Variants in WDR48 observed in about 807,000 individuals in gnomAD.
WDR48 encodes WD repeat domain 48.
A neutral mutation model predicts 94.0 loss-of-function variants in WDR48; 22 were observed. That is an observed-to-expected ratio of 0.23 (90% CI 0.17 to 0.33). The LOEUF (loss-of-function observed/expected upper bound fraction) is 0.33. Ranked by LOEUF, WDR48 falls within the 10% of genes least tolerant of loss-of-function variation. WDR48 has a pLI of 1.00. For missense variants in WDR48, 541 were observed against 813.8 expected (o/e 0.66, Z 4.08); for synonymous variants, 278 against 280.5 (o/e 0.99, Z 0.09).
In WDR48 at chr3:39,066,860, A is replaced by G. The variant is rs1458909109; in HGVS notation, c.466A>G (p.Asn156Asp). 1.9e-6 allele frequency: 3 copies of G among 1,613,606 alleles called. No individual in the cohort carries two copies. The highest frequency in any genetic ancestry group is 2.2e-5 in the East Asian group (1 of 44,866). ...TACTCTAACAGCATTGACTGCCTCAAATAACACTGTCACAAGTAAGGTGTT... is the reference window on the plus strand; with the variant it reads ...TACTCTAACAGCATTGACTGCCTCAGATAACACTGTCACAAGTAAGGTGTT... ...VNTLTALTAS[N>D]NTVTTSSLSG... The change falls in exon 5 of 19, where the codon AAT becomes GAT. Residue 156 changes from asparagine to aspartate, a missense_variant. By Grantham distance (23) the Asn-to-Asp change is conservative. Around this residue, in one of 5 missense-constraint regions of WDR48, gnomAD observed 104 missense variants for 189.7 expected, o/e 0.55. Transcript: ENST00000302313.
At position 39,094,017 on chromosome 3, in the gene WDR48, A is replaced by G; in HGVS notation, c.1889A>G (p.Asp630Gly). Residue 630 changes from aspartate (D) to glycine (G), a missense_variant, in exon 18 of 19, where the codon GAT becomes GGT. Transcript: ENST00000302313. ...CCAGGAGAACAGGAAAAAGAAGAAG[A>G]TATTGCTGTGTTGGCAGAGGAGAAA... ...EKPGEQEKEE[D>G]IAVLAEEKIE... 1 of 1,614,050 alleles carries G rather than the reference A, an allele frequency of 6.2e-7. No individual in the cohort carries two copies. The highest frequency in any genetic ancestry group is 1.1e-5 in the South Asian group (1 of 91,042).
intron 11 of WDR48, among the ~76,000 whole-genome samples, chr3:39,081,761 A>G (rs1366412821): frequency 1.3e-5 from 2 of 152,198 alleles, no homozygotes; most frequent in Admixed American, 1.3e-4. Context: ...TGTTTTCTGT[A>G]TATGGGTCTG....
chr3:39,088,599 A>G (rs1432810875), intron 15 of WDR48, among the ~76,000 whole-genome samples: 1 of 152,122 alleles, frequency 6.6e-6, no homozygotes, highest in Non-Finnish European at 1.5e-5. Flanking sequence ...AGTACATTAC[A>G]TTACTTTTCT....
chr3:39,063,120 C>T lies in WDR48; in HGVS notation c.119C>T (p.Pro40Leu). ...GGAGTCAATGCTCTGCAGCTGGATC[C>T]AGCACTAAATAGACTTTTCACAGCC... The part of the protein sequence containing the change: ...RNGVNALQLD[P>L]ALNRLFTAGR... Residue 40 changes from proline to leucine, a missense_variant, in exon 2 of 19, where the codon CCA (proline) becomes CTA (leucine). Physicochemically the swap from Pro to Leu is moderately conservative, Grantham distance 98 (BLOSUM62 -3). Coordinates refer to ENST00000302313, the MANE Select transcript of WDR48 (RefSeq NM_020839.4). 9.9e-6 allele frequency: 16 copies of T among 1,614,042 alleles called. No homozygotes were observed. Among genetic ancestry groups the T allele is most frequent in the Non-Finnish European group, 1.4e-5 (16 of 1,179,998 alleles).
intron 1 of WDR48, among the ~76,000 whole-genome samples, chr3:39,058,398 C>A (rs1486783986): frequency 1.3e-5 from 2 of 152,212 alleles, no homozygotes; most frequent in East Asian, 3.8e-4. Flanking sequence ...AAGAGGTTGG[C>A]CCAGACTGGT....
intron 11 of WDR48, among the ~76,000 whole-genome samples, chr3:39,083,217 T>A (rs186870217): frequency 3.3e-5 from 5 of 152,258 alleles, no homozygotes; most frequent in Non-Finnish European, 7.4e-5. Context: ...AAAATTTGAC[T>A]GGATAATCTT....
chr3:39,061,507 C>T (rs190194070), intron 1 of WDR48, among the ~76,000 whole-genome samples: 64 of 152,228 alleles, frequency 4.2e-4, no homozygotes, highest in African/African-American at 1.4e-3. Context: ...CATTGATGGA[C>T]ATTTGGGTTG....
intron 1 of WDR48, among the ~76,000 whole-genome samples, chr3:39,054,120 C>T (rs1351418918): frequency 6.6e-6 from 1 of 152,186 alleles, no homozygotes; most frequent in African/African-American, 2.4e-5. Context: ...TCATCTGAAC[C>T]ATCATTGTCT....
At chr3:39,055,590 A>G (rs77396693) in intron 1 of WDR48, among the ~76,000 whole-genome samples, 2 of 152,244 alleles carry the variant, frequency 1.3e-5, no homozygotes, top group South Asian at 4.1e-4. Flanking sequence ...ACCATCTTCA[A>G]CTTCTAGGAA....
At chr3:39,057,835 A>C (rs1016997253) in intron 1 of WDR48, among the ~76,000 whole-genome samples, 4 of 151,958 alleles carry the variant, frequency 2.6e-5, no homozygotes, top group Non-Finnish European at 4.4e-5. Context: ...GTTGGCCAGG[A>C]TGGTCTTGAT....
intron 1 of WDR48, among the ~76,000 whole-genome samples, chr3:39,057,415 C>A (rs1444093044): frequency 6.6e-6 from 1 of 152,160 alleles, no homozygotes; most frequent in African/African-American, 2.4e-5. Flanking sequence ...CTTATCCAGA[C>A]AGTAGAGAGA....
At chr3:39,053,484 A>G (rs930863555) in intron 1 of WDR48, among the ~76,000 whole-genome samples, 3 of 152,240 alleles carry the variant, frequency 2.0e-5, no homozygotes, top group African/African-American at 4.8e-5. Flanking sequence ...TTTTCAGTGC[A>G]TTAGTGATAG....
At chr3:39,056,705 G>A (rs1000131012) in intron 1 of WDR48, among the ~76,000 whole-genome samples, 8 of 152,208 alleles carry the variant, frequency 5.3e-5, no homozygotes, top group African/African-American at 7.2e-5. Context: ...GTGTAAATGT[G>A]GAGGAAAGAC....
intron 10 of WDR48, among the ~76,000 whole-genome samples, chr3:39,079,008 C>T (rs1036304505): frequency 4.3e-5 from 6 of 139,738 alleles, no homozygotes; most frequent in East Asian, 4.3e-4. Context: ...CCAGCCTGGG[C>T]GACAGAGCGA....
intron 7 of WDR48, among the ~76,000 whole-genome samples, chr3:39,073,564 G>A (rs1027033680): frequency 2.6e-5 from 4 of 151,948 alleles, no homozygotes; most frequent in East Asian, 1.9e-4. Flanking sequence ...TTTTTCCTCC[G>A]GGCCATTCTT....
intron 7 of WDR48, among the ~76,000 whole-genome samples, chr3:39,072,377 C>G (rs773229835): frequency 3.3e-5 from 5 of 152,162 alleles, no homozygotes; most frequent in Non-Finnish European, 5.9e-5. Context: ...TCAAAGGGTT[C>G]TTTTGGTAAT....
At position 39,066,876 on chromosome 3, in the gene WDR48, G is replaced by A. The variant is rs769823516; in HGVS notation, c.481+1G>A. 1 of 1,610,206 alleles carries A rather than the reference G, an allele frequency of 6.2e-7. No homozygotes were observed. The stretch of plus-strand genomic sequence containing the variant: ...ACTGCCTCAAATAACACTGTCACAA[G>A]TAAGGTGTTTAAAAGAAACTTCTTT... On this transcript the variant is annotated splice_donor_variant, in intron 5 of 18. Coordinates refer to ENST00000302313, the MANE Select transcript of WDR48 (RefSeq NM_020839.4). LOFTEE classifies it high-confidence loss of function.
In WDR48 at chr3:39,066,417, C is replaced by G. The variant is rs572464349; in HGVS notation, c.269-131C>G. ...AATATACAATAGGTTCTAGAAAGAG[C>G]TTTTAGGTATGTTTGTGTGTGTAAG... On this transcript the variant is annotated intron_variant, in intron 3 of 18. Transcript: ENST00000302313. 11 of 762,158 alleles carry G rather than the reference C, an allele frequency of 1.4e-5. No homozygotes were observed. In the African/African-American group the frequency reaches 1.8e-4, roughly 12 times the overall value. The allele number at this position is 762,158 out of a possible 1,614,324, so 47.2% of individuals were successfully genotyped here.
chr3:39,092,042 G>C (rs2035098046), intron 17 of WDR48, among the ~76,000 whole-genome samples: 1 of 152,326 alleles, frequency 6.6e-6, no homozygotes, highest in African/African-American at 2.4e-5. Flanking sequence ...AGCTGGGCAT[G>C]GGAGCACACG....
Sources: gnomAD v4.1 joint callset for allele counts (sites outside exome capture counted in the v4.1 genomes callset) on GRCh38, gnomAD v4.1.1 for gene constraint, gnomAD v4.1.1 regional missense constraint, MANE v1.5 for transcripts, NCBI Gene and HGNC (gene_info 2026-07-23, HGNC 2026-07-21) for gene names.